MYO10: variants seen among roughly 807,000 people sequenced by gnomAD.
MYO10 encodes myosin X, also known as unconventional myosin-X.
Under a neutral mutation model 257.3 loss-of-function variants are expected in MYO10, and 133 were observed. The ratio of observed to expected loss-of-function variants is 0.52; its 90% CI spans 0.45 to 0.60. The LOEUF (loss-of-function observed/expected upper bound fraction) is 0.60, where lower values mean the gene tolerates loss of function less well. Ranked by LOEUF, MYO10 falls within the 20% of genes least tolerant of loss-of-function variation. The pLI is 0.00. For missense variants in MYO10, 2,399 were observed against 2,635.7 expected (o/e 0.91, Z 1.97); for synonymous variants, 1,104 against 1,028.6 (o/e 1.07, Z -1.40).
chr5:16,742,190 G>A (rs1740041207), intron 19 of MYO10: 4 of 985,312 alleles, frequency 4.1e-6, no homozygotes, highest in Non-Finnish European at 4.8e-6. Context: ...TTGTGATCTT[G>A]GAAAATCCAC....
At position 16,675,002 on chromosome 5, in the gene MYO10, C is replaced by T. The variant is rs1443740665; in HGVS notation, c.4815G>A (p.Glu1605=). 1.2e-6 allele frequency: 2 copies of T among 1,613,974 alleles called. No individual in the cohort carries two copies. The highest frequency in any genetic ancestry group is 1.7e-6 in the Non-Finnish European group (2 of 1,179,882). Reference sequence around the variant, plus strand: ...TCTGTTTGATAAGCTGGCAGTACAGCTCGTCCCGCAGAGGTCGCAGGTCAT... The same window carrying T: ...TCTGTTTGATAAGCTGGCAGTACAGTTCGTCCCGCAGAGGTCGCAGGTCAT... ...TGHDLRPLRD[E]LYCQLIKQTN... The change falls in exon 35 of 41, where the codon GAG becomes GAA. Residue 1605 remains glutamate (E), a synonymous_variant. Coordinates refer to ENST00000513610, the MANE Select transcript of MYO10 (RefSeq NM_012334.3).
chr5:16,699,640 C>A (rs772400872), intron 25 of MYO10, 67 bp from the exon 26 acceptor site: 100 of 1,594,286 alleles, frequency 6.3e-5, no homozygotes, highest in Non-Finnish European at 8.3e-5. Flanking sequence ...AGATACCCAG[C>A]ATGTATCATC....
intron 19 of MYO10, among the ~76,000 whole-genome samples, chr5:16,734,734 G>C (rs942148034): frequency 5.3e-5 from 8 of 152,038 alleles, no homozygotes; most frequent in African/African-American, 1.9e-4. Context: ...GAACCCGGGA[G>C]GCGGAGGTTG....
chr5:16,923,549 A>AGTGCTGGGATCACAGGCATGAGCCACC (rs1366831951), intron 1 of MYO10, among the ~76,000 whole-genome samples: 2 of 151,318 alleles, frequency 1.3e-5, no homozygotes, highest in Non-Finnish European at 2.9e-5. Flanking sequence ...GGCCTCCCAA[A>AGTGCTGGGATCACAGGCATGAGCCACC]GTGCTGGGAT....
chr5:16,710,406 G>A (rs1353970157), intron 21 of MYO10, among the ~76,000 whole-genome samples: 1 of 152,204 alleles, frequency 6.6e-6, no homozygotes. Flanking sequence ...TGCCCCAACA[G>A]CATCTTCAAA....
intron 36 of MYO10, 41 bp from the exon 37 acceptor site, chr5:16,672,866 G>A (rs138009627): frequency 1.0e-5 from 16 of 1,598,874 alleles, no homozygotes; most frequent in African/African-American, 6.7e-5. Context: ...CACAGGCTGC[G>A]GCCCCAACAC....
At chr5:16,817,818 A>T (rs59897191) in intron 3 of MYO10, among the ~76,000 whole-genome samples, 191 bp downstream of exon 3, 2,477 of 152,282 alleles carry the variant, frequency 0.016, 73 homozygotes, top group African/African-American at 0.056. Context: ...CCCCACTAAT[A>T]AAACCTAGGC....
chr5:16,929,233 A>T (rs928868984), intron 1 of MYO10, among the ~76,000 whole-genome samples: 1 of 152,120 alleles, frequency 6.6e-6, no homozygotes, highest in Admixed American at 6.5e-5. Context: ...GATTACAGGC[A>T]TGAGCCACTG....
intron 1 of MYO10, among the ~76,000 whole-genome samples, chr5:16,878,018 T>C (rs1054270870): frequency 6.6e-6 from 1 of 152,176 alleles, no homozygotes; most frequent in African/African-American, 2.4e-5. Context: ...GCAGGCACTA[T>C]GACCATTCCC....
At chr5:16,805,210 C>T (rs1742236329) in intron 3 of MYO10, among the ~76,000 whole-genome samples, 2 of 152,010 alleles carry the variant, frequency 1.3e-5, no homozygotes, top group Non-Finnish European at 2.9e-5. Flanking sequence ...CACCTGTAAT[C>T]CCAGCACTTT....
intron 19 of MYO10, chr5:16,738,393 G>C (rs755514842): frequency 8.4e-5 from 83 of 985,294 alleles, no homozygotes; most frequent in Admixed American, 1.8e-4. Context: ...GTGCAGCCTT[G>C]ATTGCCTGGC....
At chr5:16,756,539 G>T (rs552990628) in intron 18 of MYO10, among the ~76,000 whole-genome samples, 14 of 152,218 alleles carry the variant, frequency 9.2e-5, no homozygotes, top group African/African-American at 2.9e-4. Flanking sequence ...ACACTACATG[G>T]ATTAATTACT....
At chr5:16,787,176 T>TC (rs1327369817) in intron 4 of MYO10, among the ~76,000 whole-genome samples, 2 of 149,866 alleles carry the variant, frequency 1.3e-5, no homozygotes, top group African/African-American at 5.1e-5. Flanking sequence ...ACCCTGTCTC[T>TC]CTTTTTTTTT....
At chr5:16,814,949 A>T (rs1742559032) in intron 3 of MYO10, 1 of 151,608 alleles carries the variant, frequency 6.6e-6, no homozygotes, top group Non-Finnish European at 1.5e-5. Context: ...AAACTTTTTA[A>T]AAGGGTCTGC....
At chr5:16,668,207 G>T (rs924329570) in intron 40 of MYO10, 70 bp downstream of exon 40, 1 of 1,466,196 alleles carries the variant, frequency 6.8e-7, no homozygotes, top group Non-Finnish European at 9.2e-7. Context: ...AAAGGCATGA[G>T]GAAATGGGGT....
Position 16,696,580 on chromosome 5 carries a change from G to A in MYO10, c.3557-1966C>T, listed in dbSNP as rs28709506. ...AACTGTATAATAAATCAATGCTGCCGGGCGTGGTGTCTCACGCCTGTAATC... is the reference window on the plus strand; with the variant it reads ...AACTGTATAATAAATCAATGCTGCCAGGCGTGGTGTCTCACGCCTGTAATC... On this transcript the variant is annotated intron_variant, in intron 26 of 40. Transcript: ENST00000513610. 4.8e-3 allele frequency among the ~76,000 whole-genome samples: 727 copies of A among 151,966 alleles called. 4 individuals are homozygous for A. Among genetic ancestry groups the A allele is most frequent in the African/African-American group, 0.017 (706 of 41,430 alleles).
chr5:16,869,191 A>T (rs1173478873), intron 2 of MYO10, among the ~76,000 whole-genome samples: 15 of 115,884 alleles, frequency 1.3e-4, no homozygotes, highest in Non-Finnish European at 2.2e-4. Context: ...CACCCGGCTA[A>T]TTTTTTTTTT....
intron 19 of MYO10, among the ~76,000 whole-genome samples, chr5:16,746,634 CAG>C (rs1253402469): frequency 2.6e-5 from 4 of 152,142 alleles, no homozygotes; most frequent in Non-Finnish European, 1.5e-5. Context: ...ACCAGTGAAA[CAG>C]AAAGTTATTT....
chr5:16,803,090 G>A lies in MYO10; in HGVS notation c.280-8257C>T, dbSNP rs556209718. Among the ~76,000 whole-genome samples, 7 of 151,962 alleles carry A rather than the reference G, an allele frequency of 4.6e-5. No homozygotes were observed. In the South Asian group the frequency reaches 1.5e-3, roughly 32 times the overall value. On this transcript the variant is annotated intron_variant, in intron 3 of 40. Transcript: ENST00000513610. The stretch of plus-strand genomic sequence containing the variant: ...ACTGCACTCCAGCCTTGGTAACAAA[G>A]TGGAAACCTTGTCTCTTTAAAAAAA...
Sources: allele counts gnomAD v4.1 joint callset (sites outside exome capture counted in the v4.1 genomes callset), GRCh38; gene constraint gnomAD v4.1.1; transcripts MANE v1.5; gene names NCBI Gene and HGNC (gene_info 2026-07-23, HGNC 2026-07-21).